The following GRK5 variants were observed in gnomAD, a reference collection of about 807,000 sequenced individuals.
GRK5 encodes G protein-coupled receptor kinase 5.
In GRK5, 40 loss-of-function variants were observed where a neutral mutation model predicts 78.4. That is an observed-to-expected ratio of 0.51 (90% CI 0.40 to 0.66). The LOEUF (loss-of-function observed/expected upper bound fraction) is 0.66, where lower values mean the gene tolerates loss of function less well. Ranked by LOEUF, GRK5 falls within the 30% of genes least tolerant of loss-of-function variation. The probability of loss-of-function intolerance (pLI) is 0.00; values close to 1 mark genes in which losing one functional copy is unlikely to be tolerated. For synonymous variants in GRK5, 289 were observed against 296.8 expected, an observed-to-expected ratio of 0.97 and a Z score of 0.27; for missense variants, 598 against 759.9, an observed-to-expected ratio of 0.79 and a Z score of 2.50.
At chr10:119,236,531 A>G (rs1252241372) in intron 1 of GRK5, among the ~76,000 whole-genome samples, 1 of 152,110 alleles carries the variant, frequency 6.6e-6, no homozygotes, top group Admixed American at 6.5e-5. Flanking sequence ...ACTATTTTAA[A>G]AATCGGGAAA....
At chr10:119,387,449 G>T (rs1387970868) in intron 3 of GRK5, among the ~76,000 whole-genome samples, 1 of 152,138 alleles carries the variant, frequency 6.6e-6, no homozygotes, top group African/African-American at 2.4e-5. Context: ...CTTTGGTGTT[G>T]GTTATCAAGG....
intron 1 of GRK5, among the ~76,000 whole-genome samples, chr10:119,222,330 G>C (rs894078751): frequency 5.9e-5 from 9 of 151,964 alleles, no homozygotes; most frequent in Admixed American, 2.6e-4. Flanking sequence ...GTATCAGGTC[G>C]GGGGGCAGAA....
chr10:119,435,899 G>C (rs1446485268), intron 8 of GRK5, among the ~76,000 whole-genome samples: 1 of 152,202 alleles, frequency 6.6e-6, no homozygotes, highest in Non-Finnish European at 1.5e-5. Flanking sequence ...TGGCTGGGGA[G>C]GCCCCACAAT....
At chr10:119,291,992 T>TCTTCCTCCTTCTC (rs1849978910) in intron 1 of GRK5, among the ~76,000 whole-genome samples, 1 of 12,964 alleles carries the variant, frequency 7.7e-5, no homozygotes, top group East Asian at 5.2e-3. Context: ...TCCTCCTTCT[T>TCTTCCTCCTTCTC]CTCCTCCTCT....
At chr10:119,388,007 G>T (rs751272607) in intron 3 of GRK5, among the ~76,000 whole-genome samples, 7 of 152,092 alleles carry the variant, frequency 4.6e-5, no homozygotes, top group Non-Finnish European at 1.0e-4. Context: ...CTGGAGTGCG[G>T]TGGTATGATT....
Position 119,249,578 on chromosome 10 carries a change from A to G in GRK5, c.52+41609A>G, listed in dbSNP as rs141350517. Among the ~76,000 whole-genome samples, 713 of 152,146 alleles carry G rather than the reference A, an allele frequency of 4.7e-3. 1 individual carries two copies. The highest frequency in any genetic ancestry group is 0.024 in the Middle Eastern group (7 of 294). ...AATGGCGCGATCTCGGCTCACTGCAATCTCCATCTCCCAGGTTCAAGCAAT... is the reference window on the plus strand; with the variant it reads ...AATGGCGCGATCTCGGCTCACTGCAGTCTCCATCTCCCAGGTTCAAGCAAT... On this transcript the variant is annotated intron_variant, in intron 1 of 15. Coordinates refer to ENST00000392870, the MANE Select transcript of GRK5 (RefSeq NM_005308.3).
At chr10:119,226,224 C>T (rs11592231) in intron 1 of GRK5, among the ~76,000 whole-genome samples, 1,994 of 151,762 alleles carry the variant, frequency 0.013, 18 homozygotes, top group Middle Eastern at 0.054. Context: ...GTGATCTGCC[C>T]GTCTCGGCTC....
intron 1 of GRK5, 101 bp downstream of exon 1, chr10:119,208,070 G>A: frequency 1.8e-6 from 2 of 1,123,658 alleles, no homozygotes; most frequent in East Asian, 2.8e-5. Context: ...CAGGATGCCC[G>A]CTGCCGGCGA....
Position 119,431,262 on chromosome 10 carries a change from C to T in GRK5, c.598-125C>T. 2 of 1,139,722 alleles carry T rather than the reference C, an allele frequency of 1.8e-6. No homozygotes were observed. Among genetic ancestry groups the T allele is most frequent in the Admixed American group, 2.7e-5 (1 of 37,158 alleles). 70.6% of individuals were successfully genotyped at this position (1,139,722 alleles called of 1,614,324 possible). A position where few individuals can be genotyped will look rare whatever the true frequency, so the allele number is the denominator to read the frequency against. Reference sequence around the variant, plus strand: ...CTGGGAGCCTGGAGCACTCATGAAGCCAGGCAGGGCCGGCTCTGACCCCAT... The same window carrying T: ...CTGGGAGCCTGGAGCACTCATGAAGTCAGGCAGGGCCGGCTCTGACCCCAT... On this transcript the variant is annotated intron_variant, in intron 7 of 15. Coordinates refer to ENST00000392870, the MANE Select transcript of GRK5 (RefSeq NM_005308.3). The surrounding 1 kb of genome is among the most constrained non-coding windows in gnomAD (Gnocchi z 4.8).
intron 6 of GRK5, 126 bp downstream of exon 6, chr10:119,425,211 CT>C: frequency 1.5e-6 from 1 of 661,872 alleles, no homozygotes; most frequent in Non-Finnish European, 2.8e-6. Context: ...CCGACTCCCC[CT>C]GTTAATTAAG....
chr10:119,249,686 A>G (rs1407975092), intron 1 of GRK5, among the ~76,000 whole-genome samples: 1 of 152,060 alleles, frequency 6.6e-6, no homozygotes, highest in Non-Finnish European at 1.5e-5. Context: ...TTTTTAGTAG[A>G]GATGGGGTTT....
chr10:119,248,549 C>T (rs530723480), intron 1 of GRK5, among the ~76,000 whole-genome samples: 53 of 152,074 alleles, frequency 3.5e-4, no homozygotes, highest in African/African-American at 1.2e-3. Context: ...TATGAATGTG[C>T]CTTGTGGAGC....
chr10:119,405,466 C>T (rs1852221236), intron 4 of GRK5, among the ~76,000 whole-genome samples: 1 of 151,106 alleles, frequency 6.6e-6, no homozygotes, highest in South Asian at 2.2e-4. Context: ...ATTCGTAGTG[C>T]TTGTTGGGCT....
rs1853129324 is a variant in GRK5, at chr10:119,445,582, A to T, written c.1266+1830A>T. ...CGGAGGACCTGTCCCGTGGGTACAA[A>T]ACCACTGTCCTCTGGAAGCCTCTGG... On this transcript the variant is annotated intron_variant, in intron 12 of 15. Coordinates refer to ENST00000392870, the MANE Select transcript of GRK5 (RefSeq NM_005308.3). The surrounding 1 kb of genome is among the most constrained non-coding windows in gnomAD (Gnocchi z 4.1). 6.6e-6 allele frequency among the ~76,000 whole-genome samples: 1 copy of T among 152,112 alleles called. No homozygotes were observed. Among genetic ancestry groups the T allele is most frequent in the Non-Finnish European group, 1.5e-5 (1 of 68,016 alleles).
At position 119,238,608 on chromosome 10, in the gene GRK5, T is replaced by C. The variant is rs146806882; in HGVS notation, c.52+30639T>C. Among the ~76,000 whole-genome samples, 97 of 152,272 alleles carry C rather than the reference T, an allele frequency of 6.4e-4. 3 individuals carry two copies. The East Asian group carries it at 0.016, about 26-fold the overall frequency. ...AAACACCCGCCTTCTCTTAGACATG[T>C]AGGGTTCGCGCCGTTGACCTGAGCT... On this transcript the variant is annotated intron_variant, in intron 1 of 15. Transcript: ENST00000392870. The surrounding 1 kb of genome is among the most constrained non-coding windows in gnomAD (Gnocchi z 4.7).
chr10:119,277,398 T>G (rs1849687795), intron 1 of GRK5, among the ~76,000 whole-genome samples: 1 of 152,200 alleles, frequency 6.6e-6, no homozygotes, highest in Non-Finnish European at 1.5e-5. Flanking sequence ...GGAGGAATAA[T>G]TGTTGATGTT....
chr10:119,435,853 CA>C (rs1399587969), intron 8 of GRK5, among the ~76,000 whole-genome samples: 1 of 152,172 alleles, frequency 6.6e-6, no homozygotes, highest in Admixed American at 6.5e-5. Context: ...GGGCAATTTA[CA>C]AAAGAAAGAG....
chr10:119,284,852 G>A (rs1485717833), intron 1 of GRK5, among the ~76,000 whole-genome samples: 1 of 152,200 alleles, frequency 6.6e-6, no homozygotes, highest in African/African-American at 2.4e-5. Context: ...GTCTCACTGG[G>A]GCCTCTCGTG....
chr10:119,363,578 G>A (rs997194587), intron 2 of GRK5, among the ~76,000 whole-genome samples: 5 of 152,196 alleles, frequency 3.3e-5, no homozygotes, highest in African/African-American at 1.2e-4. Flanking sequence ...GGCTGCTATG[G>A]AAACTCTGTC....
Sources: allele counts gnomAD v4.1 joint callset (sites outside exome capture counted in the v4.1 genomes callset), GRCh38; gene constraint gnomAD v4.1.1; non-coding constraint Gnocchi (gnomAD v3.1); transcripts MANE v1.5; gene names NCBI Gene and HGNC (gene_info 2026-07-23, HGNC 2026-07-21).